The following ABCA3 variants were observed in gnomAD, a reference collection of about 807,000 sequenced individuals.
ABCA3 encodes the protein ATP binding cassette subfamily A member 3, also known as phospholipid-transporting ATPase ABCA3.
In ABCA3, 88 loss-of-function variants were observed where a neutral mutation model predicts 172.8. The observed-to-expected ratio is 0.51, with a 90% CI of 0.43 to 0.61. The LOEUF is 0.61. Among genes scored for constraint, ABCA3 ranks in the 20% least tolerant of loss-of-function variants. The pLI is 0.00. For missense variants in ABCA3, 2,164 were observed against 2,301.0 expected, an observed-to-expected ratio of 0.94 and a Z score of 1.22; for synonymous variants, 1,066 against 983.8, an observed-to-expected ratio of 1.08 and a Z score of -1.56.
rs1421958354 is a variant in ABCA3 at position 2,286,618 on chromosome 16, G to C, written c.3278+76C>G. On this transcript the variant is annotated intron_variant, in intron 22 of 32. Coordinates refer to ENST00000301732, the MANE Select transcript of ABCA3 (RefSeq NM_001089.3). This position sits in a 1 kb window ranked among gnomAD's most constrained non-coding sequence, Gnocchi z 5.2. ...AGGGCAGACACAATGCTCTATCTATGGGCCCGTGGCAGTGCCCAGGGCAGT... is the reference window on the plus strand; with the variant it reads ...AGGGCAGACACAATGCTCTATCTATCGGCCCGTGGCAGTGCCCAGGGCAGT... 2.3e-5 allele frequency: 37 copies of C among 1,575,796 alleles called. No individual in the cohort carries two copies. The African/African-American group carries it at 3.8e-4, about 16-fold the overall frequency.
At chr16:2,299,594 T>C (rs1005400530) in intron 13 of ABCA3, 62 bp from the exon 14 acceptor site, 172 of 1,605,438 alleles carry the variant, frequency 1.1e-4, no homozygotes, top group Non-Finnish European at 1.4e-4. Flanking sequence ...GGCCAAGGCC[T>C]CTCCTGCTCC....
At chr16:2,301,015 G>C (rs192366593) in intron 12 of ABCA3, among the ~76,000 whole-genome samples, 1 of 150,010 alleles carries the variant, frequency 6.7e-6, no homozygotes, top group African/African-American at 2.5e-5. Flanking sequence ...CGGATCATGA[G>C]GTCAGGAGAT....
intron 11 of ABCA3, among the ~76,000 whole-genome samples, chr16:2,306,557 C>T (rs1051545735): frequency 6.6e-6 from 1 of 152,112 alleles, no homozygotes; most frequent in Admixed American, 6.6e-5. Flanking sequence ...CTTGACTGGG[C>T]CCCCCAAATT....
In ABCA3 at chr16:2,288,099, C is replaced by A. The variant is rs1322413162; in HGVS notation, c.2931G>T (p.Gln977His). ...VVPFSVPGTS[Q>H]LGQQLSEHLK... The stretch of plus-strand genomic sequence containing the variant: ...GATGCTCTGACAGCTGCTGACCCAG[C>A]TGGGAGGTCCCGGGAACTGAGAAGG... The change falls in exon 21 of 33, where the codon CAG (glutamine) becomes CAT (histidine). Residue 977 changes from glutamine to histidine, a missense_variant. By Grantham distance (24) the Gln-to-His change is conservative (BLOSUM62 0). This residue lies in a region of ABCA3 where 1,343 missense variants were observed against 1,369.6 expected (regional missense o/e 0.98). Coordinates refer to ENST00000301732, the MANE Select transcript of ABCA3 (RefSeq NM_001089.3). The A allele has an allele frequency of 5.6e-6, 9 of 1,613,678 alleles. No individual in the cohort carries two copies. The highest frequency in any genetic ancestry group is 7.6e-6 in the Non-Finnish European group (9 of 1,179,952).
chr16:2,286,920 C>T lies in ABCA3; in HGVS notation c.3052G>A (p.Gly1018Ser), dbSNP rs201700257. 247 of 1,613,960 alleles carry T rather than the reference C, an allele frequency of 1.5e-4. No individual in the cohort carries two copies. The highest frequency in any genetic ancestry group is 2.0e-4 in the Non-Finnish European group (236 of 1,179,994). Reference sequence around the variant, plus strand: ...GCCACAAGGCACCGCTCATTAAAGCCGCCCCCCTCCACAGAAGCCCTGAAG... The same window carrying T: ...GCCACAAGGCACCGCTCATTAAAGCTGCCCCCCTCCACAGAAGCCCTGAAG... ...LIFRASVEGG[G>S]FNERCLVAAS... is the part of the protein sequence containing the mutation. The change falls in exon 22 of 33, where the codon GGC becomes AGC. Residue 1018 changes from glycine to serine, a missense_variant. Transcript: ENST00000301732. The surrounding 1 kb of genome is among the most constrained non-coding windows in gnomAD (Gnocchi z 5.2).
chr16:2,299,880 C>G, intron 13 of ABCA3, 125 bp downstream of exon 13: 1 of 1,397,320 alleles, frequency 7.2e-7, no homozygotes. Flanking sequence ...TGCCCTCCTT[C>G]AGGGCAGGAG....
intron 7 of ABCA3, among the ~76,000 whole-genome samples, chr16:2,320,941 C>G (rs1003415900): frequency 5.3e-5 from 8 of 150,168 alleles, no homozygotes; most frequent in Non-Finnish European, 1.2e-4. Flanking sequence ...AAGATATTTA[C>G]TCTGTGTCAT....
intron 3 of ABCA3, among the ~76,000 whole-genome samples, chr16:2,327,507 T>C (rs323051): frequency 0.92 from 139,417 of 152,222 alleles, 65,102 homozygotes; most frequent in East Asian, 1. Flanking sequence ...ATTTCTAAGG[T>C]TTGGAGAGAG....
At chr16:2,296,873 G>A (rs1357304856) in intron 17 of ABCA3, among the ~76,000 whole-genome samples, 3 of 152,212 alleles carry the variant, frequency 2.0e-5, no homozygotes, top group Admixed American at 2.0e-4. Flanking sequence ...GAATGTGGGG[G>A]ACGCTGGCAC....
At position 2,282,825 on chromosome 16, in the gene ABCA3, C is replaced by T. The variant is rs573192104; in HGVS notation, c.4035+361G>A. On this transcript the variant is annotated intron_variant, in intron 26 of 32. Transcript: ENST00000301732. ...ACCCTCAGCCCCACATCCCCTCCTC[C>T]GGGCACTGGGTGTCCCTGGGCACCA... is the stretch of plus-strand genomic sequence containing the variant. 3.5e-5 allele frequency among the ~76,000 whole-genome samples: 5 copies of T among 141,720 alleles called. No individual in the cohort carries two copies. The East Asian group carries it at 1.1e-3, about 31-fold the overall frequency. The allele number at this position is 141,720 out of a possible 152,430, so 93.0% of individuals were successfully genotyped here. A position where few individuals can be genotyped will look rare whatever the true frequency, so the allele number is the denominator to read the frequency against.
At chr16:2,313,939 C>T (rs1308625660) in intron 10 of ABCA3, among the ~76,000 whole-genome samples, 2 of 151,912 alleles carry the variant, frequency 1.3e-5, no homozygotes, top group Non-Finnish European at 2.9e-5. Flanking sequence ...GAGAGATACC[C>T]CCTCACACCC....
In ABCA3 at chr16:2,295,625, C is replaced by T. The variant is rs1287715363; in HGVS notation, c.2379G>A (p.Glu793=). The change falls in exon 18 of 33, where the codon GAG becomes GAA. Residue 793 remains glutamate (E), a synonymous_variant. Coordinates refer to ENST00000301732, the MANE Select transcript of ABCA3 (RefSeq NM_001089.3). ...TCTCTCTGGGAAGGATGAAAGACAGCTCGGCCCCAGCGCTGCTCTCCAGCG... is the reference window on the plus strand; with the variant it reads ...TCTCTCTGGGAAGGATGAAAGACAGTTCGGCCCCAGCGCTGCTCTCCAGCG... ...NATLESSAGA[E]LSFILPREST... The T allele has an allele frequency of 6.2e-7, 1 of 1,613,948 alleles. No homozygotes were observed. Among genetic ancestry groups the T allele is most frequent in the Admixed American group, 1.7e-5 (1 of 60,028 alleles).
chr16:2,329,194 C>A (rs1220667875), intron 2 of ABCA3, among the ~76,000 whole-genome samples: 1 of 152,002 alleles, frequency 6.6e-6, no homozygotes, highest in Non-Finnish European at 1.5e-5. Context: ...TATTAAGGGG[C>A]AACTTAATAA....
intron 10 of ABCA3, among the ~76,000 whole-genome samples, chr16:2,310,987 T>C (rs1003156098): frequency 1.3e-5 from 2 of 152,052 alleles, no homozygotes; most frequent in Non-Finnish European, 2.9e-5. Flanking sequence ...TTTTTTTTTC[T>C]TTTTTGAGAT....
At chr16:2,295,402 G>A (rs530197539) in intron 18 of ABCA3, among the ~76,000 whole-genome samples, 188 bp downstream of exon 18, 56 of 152,336 alleles carry the variant, frequency 3.7e-4, no homozygotes, top group Non-Finnish European at 4.4e-4. Flanking sequence ...CTTGCTAGGA[G>A]GCCTGGCACC....
chr16:2,317,864 G>C, intron 8 of ABCA3, 100 bp from the exon 9 acceptor site: 1 of 1,064,550 alleles, frequency 9.4e-7, no homozygotes, highest in Non-Finnish European at 1.4e-6. Context: ...GACTGTCCCA[G>C]CAGCCCTGCA....
intron 10 of ABCA3, among the ~76,000 whole-genome samples, chr16:2,312,917 T>G (rs1299711416): frequency 6.6e-6 from 1 of 151,486 alleles, no homozygotes; most frequent in Non-Finnish European, 1.5e-5. Flanking sequence ...GGGCATGGTG[T>G]TGTACACCTG....
In ABCA3 at chr16:2,288,150, C is replaced by G. The variant is rs1022923684; in HGVS notation, c.2880G>C (p.Leu960Phe). The change falls in exon 21 of 33, where the codon TTG (leucine) becomes TTC (phenylalanine). Residue 960 changes from leucine to phenylalanine, a missense_variant. By Grantham distance (22) the Leu-to-Phe change is conservative (BLOSUM62 0). Transcript: ENST00000301732. ...LFDDPMLRLTLGEYGRTVVPF... is the reference protein window; with the variant it reads ...LFDDPMLRLTFGEYGRTVVPF... ...GCACGACGGTTCTGCCGTACTCGCCCAAGGTCAGCCTCAGCATGGGGTCGT... is the reference window on the plus strand; with the variant it reads ...GCACGACGGTTCTGCCGTACTCGCCGAAGGTCAGCCTCAGCATGGGGTCGT... 53 of 1,611,434 alleles carry G rather than the reference C, an allele frequency of 3.3e-5. No homozygotes were observed. Among genetic ancestry groups the G allele is most frequent in the Non-Finnish European group, 4.3e-5 (51 of 1,178,884 alleles).
Position 2,303,950 on chromosome 16 carries a change from G to A in ABCA3, c.1467+19C>T. On this transcript the variant is annotated intron_variant, in intron 12 of 32. Coordinates refer to ENST00000301732, the MANE Select transcript of ABCA3 (RefSeq NM_001089.3). ...CACTCAGAGAGGCGGCGGCTCAAGAGCAGGGCATCAGAACTCACCATGATG... is the reference window on the plus strand; with the variant it reads ...CACTCAGAGAGGCGGCGGCTCAAGAACAGGGCATCAGAACTCACCATGATG... 6.2e-7 allele frequency: 1 copy of A among 1,614,000 alleles called. No individual in the cohort carries two copies. The highest frequency in any genetic ancestry group is 8.5e-7 in the Non-Finnish European group (1 of 1,179,982).
Sources: gnomAD v4.1 joint callset for allele counts (sites outside exome capture counted in the v4.1 genomes callset) on GRCh38, gnomAD v4.1.1 for gene constraint, gnomAD v4.1.1 regional missense constraint, Gnocchi (gnomAD v3.1) non-coding constraint, MANE v1.5 for transcripts, NCBI Gene and HGNC (gene_info 2026-07-23, HGNC 2026-07-21) for gene names.